Variants in PCSK5 observed in about 807,000 individuals in gnomAD.
PCSK5 encodes proprotein convertase subtilisin/kexin type 5, also known as prohormone convertase 5.
In PCSK5, 129 loss-of-function variants were observed where a neutral mutation model predicts 233.2. The ratio of observed to expected loss-of-function variants is 0.55; its 90% CI spans 0.48 to 0.64. PCSK5 has a LOEUF of 0.64. Ranked by LOEUF, PCSK5 falls within the 30% of genes least tolerant of loss-of-function variation. The pLI is 0.00. For synonymous variants in PCSK5, 825 were observed against 879.2 expected, an observed-to-expected ratio of 0.94 and a Z score of 1.09; for missense variants, 2,076 against 2,430.1, an observed-to-expected ratio of 0.85 and a Z score of 3.06.
rs962366072 is a variant in PCSK5 at position 76,338,429 on chromosome 9, A to G, written c.4948A>G (p.Thr1650Ala). The G allele has an allele frequency of 2.5e-6, 4 of 1,611,082 alleles. No individual in the cohort carries two copies. The highest frequency in any genetic ancestry group is 2.7e-5 in the African/African-American group (2 of 74,876). Residue 1650 changes from threonine (T) to alanine (A), a missense_variant, in exon 35 of 38, where the codon ACT (threonine) becomes GCT (alanine). Thr to Ala is a moderately conservative substitution (Grantham distance 58). Coordinates refer to ENST00000674117, the MANE Select transcript of PCSK5 (RefSeq NM_001372043.1). ...STQTCERCHP[T>A]CDQCKGKGAL... ...ACAGACCTGTGAGAGATGCCATCCG[A>G]CTTGTGATCAATGCAAAGGTGAGAG...
chr9:76,322,398 TTTG>T (rs1242412558), intron 31 of PCSK5, among the ~76,000 whole-genome samples: 2 of 152,122 alleles, frequency 1.3e-5, no homozygotes, highest in Non-Finnish European at 2.9e-5. Flanking sequence ...GTGAATGAAT[TTTG>T]TTGTTTTTTT....
intron 2 of PCSK5, among the ~76,000 whole-genome samples, chr9:75,976,274 C>CCACA (rs10562995): frequency 0.033 from 4,696 of 141,418 alleles, 105 homozygotes; most frequent in African/African-American, 0.05. Flanking sequence ...CACACAGACA[C>CCACA]CACACACACA....
intron 1 of PCSK5, among the ~76,000 whole-genome samples, chr9:75,897,296 G>A (rs1825846347): frequency 6.6e-6 from 1 of 151,956 alleles, no homozygotes; most frequent in African/African-American, 2.4e-5. Flanking sequence ...GAAAGGAAGA[G>A]GAATAAGTGT....
intron 5 of PCSK5, among the ~76,000 whole-genome samples, chr9:76,032,764 T>C (rs911479779): frequency 4.6e-5 from 7 of 152,194 alleles, no homozygotes; most frequent in African/African-American, 1.7e-4. Flanking sequence ...ACTACTCCTA[T>C]TTCCAATAAA....
chr9:76,356,167 A>G (rs1830297714), intron 37 of PCSK5, among the ~76,000 whole-genome samples: 1 of 152,200 alleles, frequency 6.6e-6, no homozygotes, highest in Non-Finnish European at 1.5e-5. Flanking sequence ...TAAGAATAAT[A>G]ACTCTCACAA....
At chr9:76,189,486 C>T (rs369345191) in intron 19 of PCSK5, 145 bp from the exon 20 acceptor site, 1 of 654,424 alleles carries the variant, frequency 1.5e-6, no homozygotes, top group Admixed American at 2.6e-5. Flanking sequence ...ACCTGTGTCA[C>T]CTAACCTAGC....
intron 14 of PCSK5, among the ~76,000 whole-genome samples, chr9:76,175,817 G>T (rs1823588693): frequency 6.6e-6 from 1 of 152,146 alleles, no homozygotes; most frequent in African/African-American, 2.4e-5. Context: ...AGCTTTGATT[G>T]CCTGTAAATC....
chr9:76,208,014 G>T (rs75505398), intron 20 of PCSK5, among the ~76,000 whole-genome samples: 1 of 152,110 alleles, frequency 6.6e-6, no homozygotes, highest in Non-Finnish European at 1.5e-5. Context: ...GCAAGAAAGC[G>T]TACATGTGTC....
At chr9:76,192,315 A>AGTT (rs1564096394) in intron 20 of PCSK5, among the ~76,000 whole-genome samples, 1 of 152,206 alleles carries the variant, frequency 6.6e-6, no homozygotes. Flanking sequence ...TTTTCAGGTC[A>AGTT]GTTACAAAAT....
rs1564062046 is a variant in PCSK5 at position 76,148,360 on chromosome 9, TCCC to T, written c.1313-8684_1313-8682del. ...GAGGGAGTTTCTCTCTCCCTCTCTC[TCCC>T]TCTCTCTCCCTCTCTCCTTTCCTCT... On this transcript the variant is annotated intron_variant, in intron 10 of 37. Transcript: ENST00000674117. Among the ~76,000 whole-genome samples, 78 of 133,702 alleles carry T rather than the reference TCCC, an allele frequency of 5.8e-4. 1 individual carries two copies. The highest frequency in any genetic ancestry group is 2.1e-3 in the African/African-American group (73 of 35,132). The allele number at this position is 133,702 out of a possible 152,430, so 87.7% of individuals were successfully genotyped here. A position where few individuals can be genotyped will look rare whatever the true frequency, so the allele number is the denominator to read the frequency against.
At chr9:76,008,151 C>T (rs1232963823) in intron 3 of PCSK5, among the ~76,000 whole-genome samples, 1 of 152,044 alleles carries the variant, frequency 6.6e-6, no homozygotes, top group Non-Finnish European at 1.5e-5. Flanking sequence ...CTTCTGCTTC[C>T]TTTTACTTTT....
intron 2 of PCSK5, among the ~76,000 whole-genome samples, chr9:75,972,872 T>G (rs1365945183): frequency 6.6e-6 from 1 of 152,204 alleles, no homozygotes. Context: ...CTCCAGGCTT[T>G]GAAATGTTGT....
intron 20 of PCSK5, chr9:76,194,827 A>G (rs903124709): frequency 9.0e-6 from 4 of 445,708 alleles, no homozygotes; most frequent in African/African-American, 8.3e-5. Flanking sequence ...ACAAGTGACC[A>G]GCCATCTTGC....
At chr9:76,212,716 T>C (rs1383681471) in intron 20 of PCSK5, among the ~76,000 whole-genome samples, 1 of 152,230 alleles carries the variant, frequency 6.6e-6, no homozygotes, top group Non-Finnish European at 1.5e-5. Flanking sequence ...ATGACATTTA[T>C]TCACCATTTG....
In PCSK5 at chr9:76,225,535, T is replaced by C. The variant is rs1041781300; in HGVS notation, c.2627-1968T>C. ...TTCTTCCCACTGAGTCTGCCTTGGG[T>C]CCTCTGCTCTTAATTTTGCTGGTAC... On this transcript the variant is annotated intron_variant, in intron 20 of 37. Coordinates refer to ENST00000674117, the MANE Select transcript of PCSK5 (RefSeq NM_001372043.1). Among the ~76,000 whole-genome samples, 3 of 152,176 alleles carry C rather than the reference T, an allele frequency of 2.0e-5. No individual in the cohort carries two copies. In the South Asian group the frequency reaches 6.2e-4, roughly 31 times the overall value.
intron 2 of PCSK5, among the ~76,000 whole-genome samples, chr9:75,954,998 A>T (rs761677569): frequency 2.0e-5 from 3 of 152,198 alleles, no homozygotes; most frequent in Admixed American, 6.5e-5. Flanking sequence ...TAGGTTCTGC[A>T]CTGAATATTG....
intron 9 of PCSK5, among the ~76,000 whole-genome samples, chr9:76,109,427 C>T (rs1056944326): frequency 1.3e-4 from 9 of 68,028 alleles, no homozygotes; most frequent in Admixed American, 1.0e-3. Flanking sequence ...TACTGTAACA[C>T]TATTATTTTT....
At chr9:75,979,520 T>C (rs1265860376) in intron 2 of PCSK5, among the ~76,000 whole-genome samples, 1 of 152,204 alleles carries the variant, frequency 6.6e-6, no homozygotes, top group Non-Finnish European at 1.5e-5. Context: ...GGGGTTCTGC[T>C]TCCATGATTT....
Position 76,362,595 on chromosome 9 carries a change from A to G in PCSK5, c.*3673A>G, listed in dbSNP as rs1830446903. On this transcript the variant is annotated 3_prime_UTR_variant, in exon 38 of 38. Transcript: ENST00000674117. ...CACCCCTCATATTGTCTTATGCCCA[A>G]TTTCTGCCTCCAAAGAAAGAAGAAG... 6.6e-6 allele frequency among the ~76,000 whole-genome samples: 1 copy of G among 152,218 alleles called. No individual in the cohort carries two copies. Among genetic ancestry groups the G allele is most frequent in the Non-Finnish European group, 1.5e-5 (1 of 68,042 alleles).
Sources: gnomAD v4.1 joint callset for allele counts (sites outside exome capture counted in the v4.1 genomes callset) on GRCh38, gnomAD v4.1.1 for gene constraint, MANE v1.5 for transcripts, NCBI Gene and HGNC (gene_info 2026-07-23, HGNC 2026-07-21) for gene names.